Variants in COL6A1 observed in about 807,000 individuals in gnomAD.
The protein encoded by COL6A1 is collagen alpha-1(VI) chain.
In COL6A1, 80 loss-of-function variants were observed where a neutral mutation model predicts 145.6. The observed-to-expected ratio is 0.55, with a 90% confidence interval of 0.46 to 0.66. The LOEUF is 0.66. Among genes scored for constraint, COL6A1 ranks in the 30% least tolerant of loss-of-function variants. COL6A1 has a pLI of 0.00. For missense variants in COL6A1, 1,364 were observed against 1,473.8 expected (o/e 0.93, Z 1.22); for synonymous variants, 638 against 622.8 (o/e 1.02, Z -0.36).
chr21:45,994,181 G>T lies in COL6A1; in HGVS notation c.1350G>T (p.Pro450=), dbSNP rs144887329. Residue 450 remains proline (P), a synonymous_variant, in exon 20 of 35, where the codon CCG becomes CCT. Transcript: ENST00000361866. The surrounding 1 kb of genome is among the most constrained non-coding windows in gnomAD (Gnocchi z 6.8). ...TTTCTCTTCAGGGTGAAGCTGGCCC[G>T]CAGGGTGATCAGGGAAGAGAAGGCC... ...GPRGDPGEAG[P]QGDQGREGPV... is the part of the protein sequence containing the mutation. 6.2e-7 allele frequency: 1 copy of T among 1,604,626 alleles called. No individual in the cohort carries two copies.
chr21:45,992,533 C>T, intron 18 of COL6A1, 135 bp downstream of exon 18: 4 of 1,180,164 alleles, frequency 3.4e-6, no homozygotes, highest in Non-Finnish European at 4.8e-6. Flanking sequence ...TCTTCACCCA[C>T]ACGTCCAGGA....
In COL6A1 at chr21:45,994,560, G is replaced by A. The variant is rs2077794795; in HGVS notation, c.1398+331G>A. Among the ~76,000 whole-genome samples, 1 of 152,192 alleles carries A rather than the reference G, an allele frequency of 6.6e-6. No individual in the cohort carries two copies. Among genetic ancestry groups the A allele is most frequent in the South Asian group, 2.1e-4 (1 of 4,824 alleles). The stretch of plus-strand genomic sequence containing the variant: ...GGTGTTGGAGCCCCTGGGAGACACT[G>A]GGAGCTTGGTCAGCATCTGTTTTTC... On this transcript the variant is annotated intron_variant, in intron 20 of 34. Transcript: ENST00000361866. This position sits in a 1 kb window ranked among gnomAD's most constrained non-coding sequence, Gnocchi z 6.8.
intron 3 of COL6A1, among the ~76,000 whole-genome samples, chr21:45,984,949 C>T (rs181684258): frequency 6.9e-6 from 1 of 144,448 alleles, no homozygotes; most frequent in African/African-American, 2.6e-5. Flanking sequence ...GAGACAGAAA[C>T]AGGGACAGAG....
In COL6A1 at chr21:45,994,056, C is replaced by G; in HGVS notation, c.1336-111C>G. The G allele has an allele frequency of 8.8e-7, 1 of 1,140,260 alleles. No individual in the cohort carries two copies. The highest frequency in any genetic ancestry group is 1.3e-6 in the Non-Finnish European group (1 of 773,674). The allele number at this position is 1,140,260 out of a possible 1,614,324, so 70.6% of individuals were successfully genotyped here. On this transcript the variant is annotated intron_variant, in intron 19 of 34. Transcript: ENST00000361866. This position sits in a 1 kb window ranked among gnomAD's most constrained non-coding sequence, Gnocchi z 6.8. ...AAGGGGCTGTGCGGGGAGGGAAGGC[C>G]GGAACAGCCCAGTGACCACCTGGAC...
chr21:45,998,097 G>A, intron 22 of COL6A1, 24 bp from the exon 23 acceptor site: 1 of 1,611,358 alleles, frequency 6.2e-7, no homozygotes, highest in Non-Finnish European at 8.5e-7. Context: ...GATTCGCACG[G>A]TGACGGCTAC....
At chr21:45,998,351 C>A (rs373925827) in intron 23 of COL6A1, 47 bp from the exon 24 acceptor site, 153 of 1,611,850 alleles carry the variant, frequency 9.5e-5, no homozygotes, top group Non-Finnish European at 1.3e-4. Flanking sequence ...CACAGCCTCC[C>A]CTCTCAAATC....
rs886057164 is a variant in COL6A1, at chr21:46,004,827, C to T, written c.*814C>T. On this transcript the variant is annotated 3_prime_UTR_variant, in exon 35 of 35. Transcript: ENST00000361866. Reference sequence around the variant, plus strand: ...GCTAACCCCGTCTGCTCCTCCCTCCCGCAGAGACTGGGGCCTGGACTGGAC... The same window carrying T: ...GCTAACCCCGTCTGCTCCTCCCTCCTGCAGAGACTGGGGCCTGGACTGGAC... 28 of 316,002 alleles carry T rather than the reference C, an allele frequency of 8.9e-5. No individual in the cohort carries two copies. Among genetic ancestry groups the T allele is most frequent in the Admixed American group, 2.1e-4 (6 of 29,030 alleles). The allele number at this position is 316,002 out of a possible 1,614,324, so 19.6% of individuals were successfully genotyped here.
intron 6 of COL6A1, 136 bp downstream of exon 6, chr21:45,987,311 G>A (rs978578673): frequency 3.2e-4 from 478 of 1,503,298 alleles, no homozygotes; most frequent in Admixed American, 1.1e-3. Context: ...GTGTCTGCCC[G>A]TGTGCCCGGG....
intron 15 of COL6A1, among the ~76,000 whole-genome samples, chr21:45,991,287 G>A (rs891151896): frequency 4.6e-5 from 7 of 152,200 alleles, no homozygotes; most frequent in South Asian, 2.1e-4. Context: ...TCAGGCCTCC[G>A]CCATTCTGTC....
rs1603591134 is a variant in COL6A1 at position 45,990,911 on chromosome 21, G to A, written c.1057-68G>A. On this transcript the variant is annotated intron_variant, in intron 14 of 34. Transcript: ENST00000361866. ...GACCGTTTTGACTTCTGTCTGGGCGGTCTGGGGCTGCTGCCAGAGGCCGCG... is the reference window on the plus strand; with the variant it reads ...GACCGTTTTGACTTCTGTCTGGGCGATCTGGGGCTGCTGCCAGAGGCCGCG... The A allele has an allele frequency of 1.9e-6, 3 of 1,609,666 alleles. No homozygotes were observed. In the East Asian group the frequency reaches 6.7e-5, roughly 36 times the overall value.
rs61735854 is a variant in COL6A1, at chr21:45,987,627, G to A, written c.777G>A (p.Pro259=). The A allele has an allele frequency of 8.7e-4, 1,399 of 1,611,166 alleles. 17 individuals are homozygous for A. The African/African-American group carries it at 0.016, about 19-fold the overall frequency. Residue 259 remains proline (P), a synonymous_variant, in exon 8 of 35, where the codon CCG becomes CCA. Transcript: ENST00000361866. ...CCTTGCAGCCTGCAAGAGGACCTCC[G>A]GGGCTCCGGGGCGACCCCGGCTTTG... The part of the protein sequence containing the change: ...SFECQPARGP[P]GLRGDPGFEG...
At chr21:45,992,645 G>C in intron 18 of COL6A1, 103 bp from the exon 19 acceptor site, 1 of 1,241,898 alleles carries the variant, frequency 8.1e-7, no homozygotes, top group Non-Finnish European at 1.1e-6. Context: ...CCCTCCCAGG[G>C]GTCCTGCTGG....
chr21:45,983,939 G>A (rs1344559331), intron 2 of COL6A1, among the ~76,000 whole-genome samples: 7 of 152,184 alleles, frequency 4.6e-5, no homozygotes, highest in African/African-American at 9.6e-5. Flanking sequence ...AGAGGGCAGC[G>A]AGGGGGCTGC....
chr21:45,984,216 G>A, intron 2 of COL6A1, 53 bp from the exon 3 acceptor site: 2 of 1,533,808 alleles, frequency 1.3e-6, no homozygotes, highest in Non-Finnish European at 1.8e-6. Context: ...GGGACGGGTA[G>A]CGATGGCGCC....
At chr21:46,001,109 T>C in intron 29 of COL6A1, 144 bp from the exon 30 acceptor site, 1 of 1,147,870 alleles carries the variant, frequency 8.7e-7, no homozygotes, top group Non-Finnish European at 1.2e-6. Context: ...TGGGAGGGGG[T>C]GGGCTTTTCT....
chr21:45,987,030 G>A lies in COL6A1; in HGVS notation c.675G>A (p.Glu225=), dbSNP rs1296848142. ...ACTGGGGCCAGAGCCGCGACGCAGA[G>A]GAGGCCATCAGCCAGACCATCGACA... The part of the protein sequence containing the change: ...AADWGQSRDA[E]EAISQTIDTI... The change falls in exon 5 of 35, where the codon GAG becomes GAA. Residue 225 remains glutamate, a synonymous_variant. Transcript: ENST00000361866. 6.4e-7 allele frequency: 1 copy of A among 1,552,176 alleles called. No homozygotes were observed. The highest frequency in any genetic ancestry group is 8.7e-7 in the Non-Finnish European group (1 of 1,148,186).
chr21:45,987,169 G>T lies in COL6A1; in HGVS notation c.732G>T (p.Glu244Asp). 6.3e-7 allele frequency: 1 copy of T among 1,597,554 alleles called. No individual in the cohort carries two copies. ...TCTCTTTCCAGAAAAATAACGTGGA[G>T]CAAGTGGTAAGAGCCCTCCCCACCA... ...TIVDMIKNNVEQVCCSFECQP... is the reference protein window; with the variant it reads ...TIVDMIKNNVDQVCCSFECQP... Residue 244 changes from glutamate (E) to aspartate (D), a missense_variant, in exon 6 of 35, where the codon GAG (glutamate) becomes GAT (aspartate). Physicochemically the swap from Glu to Asp is conservative, Grantham distance 45. Around this residue, in one of 3 missense-constraint regions of COL6A1, gnomAD observed 414 missense variants for 437.6 expected, o/e 0.95. Transcript: ENST00000361866.
intron 4 of COL6A1, 126 bp downstream of exon 4, chr21:45,986,811 C>A (rs1298854703): frequency 1.8e-5 from 28 of 1,514,674 alleles, no homozygotes; most frequent in Non-Finnish European, 2.3e-5. Flanking sequence ...CCACCCTTGC[C>A]CCTGAGAGGC....
Position 45,988,305 on chromosome 21 carries a change from G to T in COL6A1, c.804+651G>T, listed in dbSNP as rs546879101. On this transcript the variant is annotated intron_variant, in intron 8 of 34. Coordinates refer to ENST00000361866, the MANE Select transcript of COL6A1 (RefSeq NM_001848.3). ...CGGGGTCCAGATGGAGGGGACGGCG[G>T]GGTCCAGATGGAGGGGACGGCGGGG... 9.7e-4 allele frequency among the ~76,000 whole-genome samples: 20 copies of T among 20,662 alleles called. 1 individual carries two copies. The highest frequency in any genetic ancestry group is 2.8e-3 in the African/African-American group (16 of 5,752). The allele number at this position is 20,662 out of a possible 152,430, so 13.6% of individuals were successfully genotyped here.
Sources: allele counts gnomAD v4.1 joint callset (sites outside exome capture counted in the v4.1 genomes callset), GRCh38; gene constraint gnomAD v4.1.1; regional missense constraint gnomAD v4.1.1; non-coding constraint Gnocchi (gnomAD v3.1); transcripts MANE v1.5; gene names NCBI Gene and HGNC (gene_info 2026-07-23, HGNC 2026-07-21).